Variants in ARHGAP29 observed in about 807,000 individuals in gnomAD.
ARHGAP29 encodes Rho GTPase activating protein 29, also known as rho GTPase-activating protein 29.
ARHGAP29 carries 43 observed loss-of-function variants against 122.6 expected under a neutral mutation model. The observed-to-expected ratio is 0.35, with a 90% CI of 0.27 to 0.45. ARHGAP29 has a LOEUF of 0.45. ARHGAP29 is among the 20% of genes least tolerant of loss of function. The pLI is 1.00. For synonymous variants in ARHGAP29, 506 were observed against 497.1 expected (o/e 1.02, Z -0.24); for missense variants, 1,303 against 1,477.2 (o/e 0.88, Z 1.93).
chr1:94,174,144 C>T lies in ARHGAP29; in HGVS notation c.3511G>A (p.Ala1171Thr), dbSNP rs749029424. ...TTCCCCCTGATACTGATGATGGGAGCATGTGGTTTATAAAATGTTGTCCAA... is the reference window on the plus strand; with the variant it reads ...TTCCCCCTGATACTGATGATGGGAGTATGTGGTTTATAAAATGTTGTCCAA... ...QHWTTFYKPH[A>T]PIISIRGNEE... Residue 1171 changes from alanine to threonine, a missense_variant, in exon 23 of 23, where the codon GCT (alanine) becomes ACT (threonine). By Grantham distance (58) the Ala-to-Thr change is moderately conservative (BLOSUM62 0). Around this residue, in one of 3 missense-constraint regions of ARHGAP29, gnomAD observed 620 missense variants for 651.2 expected, o/e 0.95. Coordinates refer to ENST00000260526, the MANE Select transcript of ARHGAP29 (RefSeq NM_004815.4). 7 of 1,614,144 alleles carry T rather than the reference C, an allele frequency of 4.3e-6. No homozygotes were observed. Among genetic ancestry groups the T allele is most frequent in the Non-Finnish European group, 5.1e-6 (6 of 1,180,036 alleles).
the ARHGAP29 span, chr1:94,302,128 A>G: frequency 2.2e-5 from 6 of 276,006 alleles, no homozygotes; most frequent in Non-Finnish European, 4.2e-5. Flanking sequence ...AGTGGATATC[A>G]TCACCATCAA....
At chr1:94,195,782 TATG>T (rs1396727486) in intron 12 of ARHGAP29, 1 of 151,972 alleles carries the variant, frequency 6.6e-6, no homozygotes, top group African/African-American at 2.4e-5. Flanking sequence ...TCACTTTAAA[TATG>T]ATAAAATTAA....
intron 3 of ARHGAP29, among the ~76,000 whole-genome samples, chr1:94,213,238 G>A (rs1206023379): frequency 6.6e-6 from 1 of 152,146 alleles, no homozygotes; most frequent in Non-Finnish European, 1.5e-5. Flanking sequence ...GGAGTGCAGT[G>A]GCGTGATCTC....
intron 20 of ARHGAP29, among the ~76,000 whole-genome samples, chr1:94,178,416 A>G (rs1649247837): frequency 6.6e-6 from 1 of 152,154 alleles, no homozygotes; most frequent in Admixed American, 6.5e-5. Flanking sequence ...TTACCAGCAG[A>G]AAGAAAAAAT....
At chr1:94,279,147 T>C (rs931378722), upstream of ARHGAP29, among the ~76,000 whole-genome samples, 4 of 152,246 alleles carry the variant, frequency 2.6e-5, no homozygotes, top group Non-Finnish European at 5.9e-5. Flanking sequence ...ATACTTCTCA[T>C]GGTTTCCTTT....
intron 3 of ARHGAP29, among the ~76,000 whole-genome samples, chr1:94,209,869 T>TA (rs1335029113): frequency 2.1e-4 from 32 of 150,358 alleles, no homozygotes; most frequent in African/African-American, 5.4e-4. Flanking sequence ...CACATCACAT[T>TA]AAAAAAAAAC....
At chr1:94,264,036 T>A (rs965113033) in intron 1 of ARHGAP29, among the ~76,000 whole-genome samples, 2 of 152,210 alleles carry the variant, frequency 1.3e-5, no homozygotes, top group African/African-American at 4.8e-5. Flanking sequence ...CTAGTTGAGA[T>A]CCCTAGAAGT....
chr1:94,302,496 G>A, the ARHGAP29 span: 3 of 348,736 alleles, frequency 8.6e-6, no homozygotes, highest in East Asian at 8.5e-5. Flanking sequence ...TAACCTCCTG[G>A]CCAAGGTCAT....
At chr1:94,271,145 C>T (rs1002224603) in intron 1 of ARHGAP29, among the ~76,000 whole-genome samples, 2 of 152,242 alleles carry the variant, frequency 1.3e-5, no homozygotes, top group African/African-American at 4.8e-5. Context: ...TGATGTTAGA[C>T]TGAGCGACTT....
chr1:94,229,143 C>G (rs1185140922), intron 2 of ARHGAP29, among the ~76,000 whole-genome samples: 4 of 151,796 alleles, frequency 2.6e-5, no homozygotes, highest in Non-Finnish European at 5.9e-5. Flanking sequence ...TCTGGCCACA[C>G]TTTAACGTTG....
intron 2 of ARHGAP29, among the ~76,000 whole-genome samples, chr1:94,220,880 G>C (rs761377005): frequency 6.6e-6 from 1 of 152,010 alleles, no homozygotes; most frequent in Non-Finnish European, 1.5e-5. Flanking sequence ...TGAATTAGTT[G>C]TCAATGATGA....
the ARHGAP29 span, among the ~76,000 whole-genome samples, chr1:94,290,396 G>T: frequency 6.6e-6 from 1 of 152,014 alleles, no homozygotes; most frequent in Non-Finnish European, 1.5e-5. Flanking sequence ...ATGATTTTTT[G>T]AAGAGTTTTT....
At chr1:94,179,360 C>A (rs1429497012) in intron 20 of ARHGAP29, among the ~76,000 whole-genome samples, 3 of 152,004 alleles carry the variant, frequency 2.0e-5, no homozygotes, top group African/African-American at 7.2e-5. Flanking sequence ...CTTTGGGAGG[C>A]TGAGGTGGGC....
At chr1:94,196,207 C>G (rs1019726943) in intron 12 of ARHGAP29, among the ~76,000 whole-genome samples, 1 of 150,648 alleles carries the variant, frequency 6.6e-6, no homozygotes, top group African/African-American at 2.4e-5. Flanking sequence ...AAATTCATCA[C>G]TGATCTTTTC....
the ARHGAP29 span, among the ~76,000 whole-genome samples, chr1:94,297,150 G>A: frequency 6.6e-6 from 1 of 152,114 alleles, no homozygotes; most frequent in Admixed American, 6.5e-5. Context: ...AAATAGGGGT[G>A]TAGAGAAGAC....
chr1:94,180,450 CAAAAGA>C (rs1485035699), intron 19 of ARHGAP29, among the ~76,000 whole-genome samples: 1 of 152,054 alleles, frequency 6.6e-6, no homozygotes, highest in Non-Finnish European at 1.5e-5. Context: ...ATAAATAGGT[CAAAAGA>C]AAAAGTACCT....
At chr1:94,238,596 G>A (rs1312514083), upstream of ARHGAP29, among the ~76,000 whole-genome samples, 1 of 152,046 alleles carries the variant, frequency 6.6e-6, no homozygotes, top group Non-Finnish European at 1.5e-5. Flanking sequence ...GGTAGCGCTG[G>A]GGTCTGCGAG....
rs1317307408 is a variant in ARHGAP29, at chr1:94,169,370, GATTT to G, written c.*4495_*4498del. ...CAGGACCAGCGCTGCTATGACTGCGGATTTATTTGGCATATTTGGGACTGGGTGT... is the reference window on the plus strand; with the variant it reads ...CAGGACCAGCGCTGCTATGACTGCGGATTTGGCATATTTGGGACTGGGTGT... On this transcript the variant is annotated 3_prime_UTR_variant, in exon 23 of 23. Transcript: ENST00000260526. Among the ~76,000 whole-genome samples the G allele has an allele frequency of 6.6e-6, 1 of 152,110 alleles. No individual in the cohort carries two copies. The highest frequency in any genetic ancestry group is 6.6e-5 in the Admixed American group (1 of 15,256).
chr1:94,265,410 C>T (rs1239945057), intron 1 of ARHGAP29, among the ~76,000 whole-genome samples: 2 of 152,212 alleles, frequency 1.3e-5, no homozygotes, highest in African/African-American at 2.4e-5. Flanking sequence ...TATTTTAACC[C>T]CTCCAATTTC....
Sources: allele counts gnomAD v4.1 joint callset (sites outside exome capture counted in the v4.1 genomes callset), GRCh38; gene constraint gnomAD v4.1.1; regional missense constraint gnomAD v4.1.1; transcripts MANE v1.5; gene names NCBI Gene and HGNC (gene_info 2026-07-23, HGNC 2026-07-21).